Variants in HERPUD2 observed in about 807,000 individuals in gnomAD.
HERPUD2 encodes the protein HERPUD family member 2, also known as homocysteine-responsive endoplasmic reticulum-resident ubiquitin-like domain member 2 protein.
In HERPUD2, 13 loss-of-function variants were observed where a neutral mutation model predicts 49.9. The ratio of observed to expected loss-of-function variants is 0.26; its 90% CI spans 0.17 to 0.41. HERPUD2 has a LOEUF of 0.41. HERPUD2 is among the 10% of genes least tolerant of loss of function. The probability of loss-of-function intolerance (pLI) is 1.00; values close to 1 mark genes in which losing one functional copy is unlikely to be tolerated. For synonymous variants in HERPUD2, 172 were observed against 171.4 expected, an observed-to-expected ratio of 1.00 and a Z score of -0.03; for missense variants, 449 against 492.2, an observed-to-expected ratio of 0.91 and a Z score of 0.83.
intron 2 of HERPUD2, among the ~76,000 whole-genome samples, chr7:35,678,400 A>C (rs1262842074): frequency 6.6e-6 from 1 of 152,090 alleles, no homozygotes; most frequent in Non-Finnish European, 1.5e-5. Flanking sequence ...TCCCAGGTTC[A>C]AACAATTCTC....
chr7:35,659,352 T>C (rs959041196), intron 5 of HERPUD2, among the ~76,000 whole-genome samples: 1 of 152,232 alleles, frequency 6.6e-6, no homozygotes, highest in African/African-American at 2.4e-5. Context: ...TCTCCAAATA[T>C]AAACACTTAT....
chr7:35,678,581 G>A (rs1334355529), intron 2 of HERPUD2, among the ~76,000 whole-genome samples: 4 of 152,092 alleles, frequency 2.6e-5, no homozygotes, highest in South Asian at 2.1e-4. Context: ...GATTACAGGC[G>A]CGAGCCACCA....
chr7:35,683,246 G>C (rs11771547), intron 2 of HERPUD2, among the ~76,000 whole-genome samples: 20,902 of 152,142 alleles, frequency 0.14, 1,634 homozygotes, highest in East Asian at 0.25. Context: ...GGAAGGACTA[G>C]AGAACACAAA....
intron 5 of HERPUD2, among the ~76,000 whole-genome samples, chr7:35,662,246 C>T (rs1248682651): frequency 1.3e-5 from 2 of 152,162 alleles, no homozygotes; most frequent in African/African-American, 4.8e-5. Flanking sequence ...GGTGGATAAG[C>T]TTTTTGATGT....
intron 4 of HERPUD2, 91 bp downstream of exon 4, chr7:35,670,124 C>T (rs1785611901): frequency 1.8e-6 from 1 of 543,686 alleles, no homozygotes; most frequent in South Asian, 3.4e-5. Context: ...TCCAATTGTT[C>T]TGTTTTTCAT....
At chr7:35,683,435 G>T (rs1238035943) in intron 2 of HERPUD2, among the ~76,000 whole-genome samples, 2 of 152,076 alleles carry the variant, frequency 1.3e-5, no homozygotes, top group African/African-American at 4.8e-5. Context: ...ATGGATTAAG[G>T]ACTTAAATCT....
chr7:35,690,184 C>A (rs1348359880), intron 2 of HERPUD2, among the ~76,000 whole-genome samples: 1 of 152,176 alleles, frequency 6.6e-6, no homozygotes, highest in Non-Finnish European at 1.5e-5. Flanking sequence ...AAAAACTAGT[C>A]ATGAAGTGAT....
At chr7:35,693,276 G>A (rs1355486238) in intron 2 of HERPUD2, among the ~76,000 whole-genome samples, 1 of 152,204 alleles carries the variant, frequency 6.6e-6, no homozygotes, top group East Asian at 1.9e-4. Context: ...GTGGTGGGGT[G>A]GAGGGCAGTT....
intron 5 of HERPUD2, among the ~76,000 whole-genome samples, chr7:35,664,418 T>C (rs1383199715): frequency 2.0e-5 from 3 of 152,226 alleles, no homozygotes; most frequent in Non-Finnish European, 4.4e-5. Context: ...CTGTATTTCC[T>C]GAATTTGAAT....
chr7:35,661,785 A>G (rs1357095236), intron 5 of HERPUD2, among the ~76,000 whole-genome samples: 1 of 152,138 alleles, frequency 6.6e-6, no homozygotes, highest in Non-Finnish European at 1.5e-5. Context: ...CTGAGATGAT[A>G]GGGTTTTCTA....
chr7:35,683,928 G>A (rs1178074904), intron 2 of HERPUD2, among the ~76,000 whole-genome samples: 3 of 152,148 alleles, frequency 2.0e-5, no homozygotes, highest in Non-Finnish European at 2.9e-5. Context: ...GCGTGGCAGC[G>A]GTGAACAGGG....
chr7:35,692,617 A>AGTTAG (rs1786217049), intron 2 of HERPUD2, among the ~76,000 whole-genome samples: 2 of 152,344 alleles, frequency 1.3e-5, no homozygotes, highest in Non-Finnish European at 2.9e-5. Flanking sequence ...GGCTCTAACT[A>AGTTAG]GTTTAAGTAC....
At chr7:35,643,684 T>G (rs1306331181) in intron 5 of HERPUD2, among the ~76,000 whole-genome samples, 3 of 150,972 alleles carry the variant, frequency 2.0e-5, no homozygotes, top group African/African-American at 7.3e-5. Flanking sequence ...AAAAATAAAA[T>G]AATAAATTAT....
intron 5 of HERPUD2, among the ~76,000 whole-genome samples, chr7:35,642,443 G>C (rs1390765344): frequency 3.3e-5 from 5 of 152,126 alleles, no homozygotes; most frequent in Admixed American, 6.5e-5. Context: ...ATTTGACCCA[G>C]CAATTCCATT....
chr7:35,692,176 G>A (rs548946279), intron 2 of HERPUD2, among the ~76,000 whole-genome samples: 1 of 152,336 alleles, frequency 6.6e-6, no homozygotes, highest in East Asian at 1.9e-4. Flanking sequence ...CTCATCCTCA[G>A]ACAGCTAACT....
intron 5 of HERPUD2, among the ~76,000 whole-genome samples, chr7:35,664,004 T>C (rs1344813602): frequency 2.0e-5 from 3 of 152,218 alleles, no homozygotes; most frequent in Non-Finnish European, 4.4e-5. Flanking sequence ...GTCTTTACAA[T>C]TTGGCATGTT....
chr7:35,649,883 G>T (rs1253003498), intron 5 of HERPUD2, among the ~76,000 whole-genome samples: 1 of 152,136 alleles, frequency 6.6e-6, no homozygotes, highest in Non-Finnish European at 1.5e-5. Context: ...AGGGAAGAGG[G>T]TATAATGAGG....
chr7:35,678,914 G>A (rs1209117905), intron 2 of HERPUD2, among the ~76,000 whole-genome samples: 2 of 152,116 alleles, frequency 1.3e-5, no homozygotes, highest in Admixed American at 6.5e-5. Flanking sequence ...AAATATGCTG[G>A]AAAACTCAGT....
intron 5 of HERPUD2, among the ~76,000 whole-genome samples, chr7:35,652,994 A>T (rs1489288683): frequency 6.6e-6 from 1 of 152,178 alleles, no homozygotes; most frequent in Non-Finnish European, 1.5e-5. Context: ...AACCACAATG[A>T]AAAACAACAT....
Sources: gnomAD v4.1 joint callset for allele counts (sites outside exome capture counted in the v4.1 genomes callset) on GRCh38, gnomAD v4.1.1 for gene constraint, MANE v1.5 for transcripts, NCBI Gene and HGNC (gene_info 2026-07-23, HGNC 2026-07-21) for gene names.